The following SCGB3A1 variants were observed in gnomAD, a reference collection of about 807,000 sequenced individuals.
The protein encoded by SCGB3A1 is secretoglobin family 3A member 1.
Under a neutral mutation model 7.6 loss-of-function variants are expected in SCGB3A1, and 7 were observed. The ratio of observed to expected loss-of-function variants is 0.93; its 90% CI spans 0.53 to 1.74. SCGB3A1 has a LOEUF of 1.74. Among genes scored for constraint, SCGB3A1 ranks in the 40% most tolerant of loss-of-function variants. The pLI, the probability that SCGB3A1 is intolerant of heterozygous loss-of-function variation, is 0.00. For missense variants in SCGB3A1, 119 were observed against 129.0 expected, an observed-to-expected ratio of 0.92 and a Z score of 0.38; for synonymous variants, 67 against 66.6, an observed-to-expected ratio of 1.01 and a Z score of -0.03.
rs1242245066 is a variant in SCGB3A1, at chr5:180,591,298, C to T, written c.52+113G>A. The T allele has an allele frequency of 1.8e-5, 17 of 926,378 alleles. No homozygotes were observed. The East Asian group carries it at 5.3e-4, about 29-fold the overall frequency. The allele number at this position is 926,378 out of a possible 1,614,324, so 57.4% of individuals were successfully genotyped here. A position where few individuals can be genotyped will look rare whatever the true frequency, so the allele number is the denominator to read the frequency against. Reference sequence around the variant, plus strand: ...CGGGGTGGCGGAGCCCTCTGGGCGCCGGGCGAGGCTGGAAGGACCTGGGAT... The same window carrying T: ...CGGGGTGGCGGAGCCCTCTGGGCGCTGGGCGAGGCTGGAAGGACCTGGGAT... On this transcript the variant is annotated intron_variant, in intron 1 of 2. Coordinates refer to ENST00000292641, the MANE Select transcript of SCGB3A1 (RefSeq NM_052863.3).
intron 1 of SCGB3A1, 138 bp downstream of exon 1, chr5:180,591,273 C>T (rs945788063): frequency 3.0e-6 from 2 of 676,374 alleles, no homozygotes; most frequent in East Asian, 3.8e-5. Context: ...CGCGGGGCCC[C>T]GGGGTGGCGG....
At chr5:180,591,295 C>A in intron 1 of SCGB3A1, 116 bp downstream of exon 1, 1 of 890,714 alleles carries the variant, frequency 1.1e-6, no homozygotes, top group Non-Finnish European at 1.5e-6. Flanking sequence ...GCCCTCTGGG[C>A]GCCGGGCGAG....
At chr5:180,590,998 C>T (rs996419318) in intron 1 of SCGB3A1, 160 bp from the exon 2 acceptor site, 55 of 570,726 alleles carry the variant, frequency 9.6e-5, no homozygotes, top group African/African-American at 4.0e-4. Flanking sequence ...TGCGAGCCCC[C>T]GGGACACAGG....
Position 180,590,805 on chromosome 5 carries a change from A to T in SCGB3A1, c.86T>A (p.Val29Glu). 3 of 1,602,828 alleles carry T rather than the reference A, an allele frequency of 1.9e-6. No homozygotes were observed. Among genetic ancestry groups the T allele is most frequent in the Non-Finnish European group, 2.6e-6 (3 of 1,175,228 alleles). Residue 29 changes from valine to glutamate, a missense_variant, in exon 2 of 3, where the codon GTG becomes GAG. Coordinates refer to ENST00000292641, the MANE Select transcript of SCGB3A1 (RefSeq NM_052863.3). Reference protein sequence around the residue: ...AAFLVGSAKPVAQPVAALESA... With the variant: ...AAFLVGSAKPEAQPVAALESA... ...CTCCAGCGCAGCGACAGGCTGGGCC[A>T]CAGGCTTGGCCGAGCCCACTAAGAA...
Position 180,591,472 on chromosome 5 carries a change from G to A in SCGB3A1, c.-10C>T, listed in dbSNP as rs1376582491. The A allele has an allele frequency of 2.4e-6, 3 of 1,228,390 alleles. No homozygotes were observed. Among genetic ancestry groups the A allele is most frequent in the Non-Finnish European group, 3.0e-6 (3 of 985,780 alleles). The allele number at this position is 1,228,390 out of a possible 1,614,324, so 76.1% of individuals were successfully genotyped here. On this transcript the variant is annotated 5_prime_UTR_variant, in exon 1 of 3. Coordinates refer to ENST00000292641, the MANE Select transcript of SCGB3A1 (RefSeq NM_052863.3). ...GGGCGGCGAGCTTCATGGCGCGGGG[G>A]CTCGGGGCGCGCGGGGAACCTGCGG...
At chr5:180,590,452 G>C in intron 2 of SCGB3A1, 148 bp downstream of exon 2, 1 of 930,096 alleles carries the variant, frequency 1.1e-6, no homozygotes. Context: ...GTTCCCACCC[G>C]GAGACCCGGG....
At chr5:180,590,281 G>A (rs1459623606) in intron 2 of SCGB3A1, 27 bp from the exon 3 acceptor site, 8 of 1,568,696 alleles carry the variant, frequency 5.1e-6, no homozygotes, top group Non-Finnish European at 6.9e-6. Context: ...GAGCTTGAGT[G>A]CCCCCAGCCC....
chr5:180,590,386 C>T (rs1761289674), intron 2 of SCGB3A1, 132 bp from the exon 3 acceptor site: 4 of 1,239,730 alleles, frequency 3.2e-6, no homozygotes, highest in South Asian at 2.9e-5. Context: ...GGACGCGCAC[C>T]CGCGCGGGGC....
At chr5:180,591,286 C>A in intron 1 of SCGB3A1, 125 bp downstream of exon 1, 1 of 785,802 alleles carries the variant, frequency 1.3e-6, no homozygotes, top group Non-Finnish European at 1.7e-6. Flanking sequence ...GGTGGCGGAG[C>A]CCTCTGGGCG....
intron 1 of SCGB3A1, chr5:180,591,056 AGTGGCCTGAGG>A (rs1761306325): frequency 3.8e-6 from 2 of 520,200 alleles, no homozygotes; most frequent in Non-Finnish European, 6.7e-6. Context: ...GGGTCACCGG[AGTGGCCTGAGG>A]GTGGCGGAAG....
chr5:180,590,250 GC>G lies in SCGB3A1; in HGVS notation c.295del (p.Ala99ProfsTer2). ...CTCGGCTCAGCCAAACACTGTCAGGGCCCCCTGGAAAGCAGAAGCCGAGCTT... is the reference window on the plus strand; with the variant it reads ...CTCGGCTCAGCCAAACACTGTCAGGGCCCCTGGAAAGCAGAAGCCGAGCTT... Reference protein sequence around the residue: ...AVKALKALLGALTVFG With the variant: ...AVKALKALLGXLTVFG On this transcript the variant is annotated frameshift_variant, in exon 3 of 3. Transcript: ENST00000292641. LOFTEE classifies it high-confidence loss of function. 1 of 1,583,062 alleles carries G rather than the reference GC, an allele frequency of 6.3e-7. No individual in the cohort carries two copies. The highest frequency in any genetic ancestry group is 8.6e-7 in the Non-Finnish European group (1 of 1,165,018).
At position 180,591,411 on chromosome 5, in the gene SCGB3A1, C is replaced by G; in HGVS notation, c.52G>C (p.Ala18Pro). 1.6e-6 allele frequency: 2 copies of G among 1,226,350 alleles called. No individual in the cohort carries two copies. Among genetic ancestry groups the G allele is most frequent in the Non-Finnish European group, 2.0e-6 (2 of 984,494 alleles). 76.0% of individuals were successfully genotyped at this position (1,226,350 alleles called of 1,614,324 possible). Residue 18 changes from alanine to proline, a missense_variant and splice_region_variant, in exon 1 of 3, where the codon GCT becomes CCT. Coordinates refer to ENST00000292641, the MANE Select transcript of SCGB3A1 (RefSeq NM_052863.3). ...GLCVALSCSS[A>P]AAFLVGSAKP... is the part of the protein sequence containing the mutation. ...CGCGCCAGGAGCCCGGGGCGCTCAC[C>G]GGAGCTGCAGGACAGGGCCACGCAG...
At position 180,590,592 on chromosome 5, in the gene SCGB3A1, C is replaced by A. The variant is rs752129610; in HGVS notation, c.291+8G>T. 2 of 1,600,414 alleles carry A rather than the reference C, an allele frequency of 1.2e-6. No individual in the cohort carries two copies. Among genetic ancestry groups the A allele is most frequent in the African/African-American group, 1.3e-5 (1 of 74,646 alleles). On this transcript the variant is annotated splice_region_variant and intron_variant, in intron 2 of 2. Transcript: ENST00000292641. ...GCGCAGGAAGGGCACCCGGGGTGCC[C>A]ACTTTACCAGCAGGGCCTTCAGGGC...
In SCGB3A1 at chr5:180,590,120, T is replaced by G; in HGVS notation, c.*111A>C. On this transcript the variant is annotated 3_prime_UTR_variant, in exon 3 of 3. Coordinates refer to ENST00000292641, the MANE Select transcript of SCGB3A1 (RefSeq NM_052863.3). ...AGGCTCGAGCTGCTCTTAACCACGT[T>G]TATTGAGAGGGGCCGGGGGAAGGGG... is the stretch of plus-strand genomic sequence containing the variant. 1.6e-6 allele frequency: 2 copies of G among 1,239,944 alleles called. No individual in the cohort carries two copies. The highest frequency in any genetic ancestry group is 2.3e-6 in the Non-Finnish European group (2 of 863,360). 76.8% of individuals were successfully genotyped at this position (1,239,944 alleles called of 1,614,324 possible).
Position 180,590,109 on chromosome 5 carries a change from C to G in SCGB3A1, c.*122G>C, listed in dbSNP as rs1249900115. The G allele has an allele frequency of 8.6e-7, 1 of 1,168,402 alleles. No individual in the cohort carries two copies. Among genetic ancestry groups the G allele is most frequent in the African/African-American group, 1.5e-5 (1 of 65,524 alleles). 72.4% of individuals were successfully genotyped at this position (1,168,402 alleles called of 1,614,324 possible). A position where few individuals can be genotyped will look rare whatever the true frequency, so the allele number is the denominator to read the frequency against. On this transcript the variant is annotated 3_prime_UTR_variant, in exon 3 of 3. Transcript: ENST00000292641. ...GAGAAAATACCAGGCTCGAGCTGCTCTTAACCACGTTTATTGAGAGGGGCC... is the reference window on the plus strand; with the variant it reads ...GAGAAAATACCAGGCTCGAGCTGCTGTTAACCACGTTTATTGAGAGGGGCC...
intron 2 of SCGB3A1, 126 bp from the exon 3 acceptor site, chr5:180,590,380 G>T: frequency 7.7e-7 from 1 of 1,292,430 alleles, no homozygotes; most frequent in Non-Finnish European, 1.1e-6. Flanking sequence ...TCCGGGGGAC[G>T]CGCACCCGCG....
chr5:180,590,532 G>A, intron 2 of SCGB3A1, 68 bp downstream of exon 2: 1 of 1,282,602 alleles, frequency 7.8e-7, no homozygotes, highest in Non-Finnish European at 1.1e-6. Flanking sequence ...GGACACCTCT[G>A]GTGCAGTTTT....
rs780589927 is a variant in SCGB3A1, at chr5:180,590,743, G to T, written c.148C>A (p.Pro50Thr). The T allele has an allele frequency of 4.4e-6, 7 of 1,582,618 alleles. No homozygotes were observed. Among genetic ancestry groups the T allele is most frequent in the African/African-American group, 1.3e-5 (1 of 74,110 alleles). Residue 50 changes from proline to threonine, a missense_variant, in exon 2 of 3, where the codon CCC becomes ACC. By Grantham distance (38) the Pro-to-Thr change is conservative. Transcript: ENST00000292641. ...AEAGAGTLAN[P>T]LGTLNPLKLL... Reference sequence around the variant, plus strand: ...TTCAGCGGGTTGAGGGTGCCGAGGGGGTTGGCCAGGGTCCCGGCCCCGGCC... The same window carrying T: ...TTCAGCGGGTTGAGGGTGCCGAGGGTGTTGGCCAGGGTCCCGGCCCCGGCC...
chr5:180,590,751 A>C lies in SCGB3A1; in HGVS notation c.140T>G (p.Leu47Arg), dbSNP rs781545845. 4.4e-6 allele frequency: 7 copies of C among 1,583,614 alleles called. No homozygotes were observed. Among genetic ancestry groups the C allele is most frequent in the Non-Finnish European group, 6.0e-6 (7 of 1,165,558 alleles). The change falls in exon 2 of 3, where the codon CTG (leucine) becomes CGG (arginine). Residue 47 changes from leucine to arginine, a missense_variant. Coordinates refer to ENST00000292641, the MANE Select transcript of SCGB3A1 (RefSeq NM_052863.3). The part of the protein sequence containing the change: ...ESAAEAGAGT[L>R]ANPLGTLNPL... ...GTTGAGGGTGCCGAGGGGGTTGGCC[A>C]GGGTCCCGGCCCCGGCCTCCGCCGC...
Sources: gnomAD v4.1 joint callset for allele counts on GRCh38, gnomAD v4.1.1 for gene constraint, MANE v1.5 for transcripts, NCBI Gene and HGNC (gene_info 2026-07-23, HGNC 2026-07-21) for gene names.